Variants in ATP6V0A4 observed in about 807,000 individuals in gnomAD.
ATP6V0A4 encodes V-type proton ATPase 116 kDa subunit a 4.
ATP6V0A4 carries 86 observed loss-of-function variants against 107.3 expected under a neutral mutation model. That is an observed-to-expected ratio of 0.80 (90% confidence interval 0.67 to 0.96). The LOEUF is 0.96. Among genes scored for constraint, ATP6V0A4 ranks in the 40% least tolerant of loss-of-function variants. ATP6V0A4 has a pLI of 0.00. For missense variants in ATP6V0A4, 908 were observed against 1,045.6 expected, an observed-to-expected ratio of 0.87 and a Z score of 1.81; for synonymous variants, 353 against 381.4, an observed-to-expected ratio of 0.93 and a Z score of 0.87.
At chr7:138,766,582 C>T (rs976789519) in intron 5 of ATP6V0A4, among the ~76,000 whole-genome samples, 4 of 151,682 alleles carry the variant, frequency 2.6e-5, no homozygotes, top group Non-Finnish European at 5.9e-5. Flanking sequence ...ACGATATAGC[C>T]CAAAACAATA....
At chr7:138,715,738 G>C in intron 20 of ATP6V0A4, 26 bp downstream of exon 20, 1 of 1,607,872 alleles carries the variant, frequency 6.2e-7, no homozygotes, top group Non-Finnish European at 8.5e-7. Flanking sequence ...AGAGCTGACT[G>C]TCCCCCCGAT....
chr7:138,709,862 A>C, intron 20 of ATP6V0A4, 67 bp from the exon 21 acceptor site: 22 of 1,526,254 alleles, frequency 1.4e-5, no homozygotes, highest in East Asian at 2.5e-5. Context: ...GTATTTTCTC[A>C]TCTTTTTAAT....
chr7:138,762,691 A>T (rs748398978), intron 6 of ATP6V0A4, among the ~76,000 whole-genome samples: 8 of 152,122 alleles, frequency 5.3e-5, no homozygotes, highest in Non-Finnish European at 8.8e-5. Flanking sequence ...TTCAGCACAT[A>T]CATTTTACTG....
chr7:138,754,514 G>C (rs1445082579), intron 10 of ATP6V0A4, among the ~76,000 whole-genome samples: 4 of 151,986 alleles, frequency 2.6e-5, no homozygotes, highest in South Asian at 2.1e-4. Flanking sequence ...CTAGCCTAAG[G>C]GTTTTGAAAG....
intron 1 of ATP6V0A4, among the ~76,000 whole-genome samples, chr7:138,796,235 C>G (rs1476892123): frequency 6.6e-6 from 1 of 152,044 alleles, no homozygotes; most frequent in African/African-American, 2.4e-5. Flanking sequence ...GAGAGCCTGG[C>G]CTGGCATGCA....
chr7:138,722,971 T>A (rs1013024442), intron 18 of ATP6V0A4, among the ~76,000 whole-genome samples: 3 of 149,628 alleles, frequency 2.0e-5, no homozygotes, highest in African/African-American at 7.4e-5. Flanking sequence ...GGAAGGAGAA[T>A]TGCTTGAATC....
In ATP6V0A4 at chr7:138,749,878, G is replaced by A. The variant is rs771639424; in HGVS notation, c.1030-561C>T. ...TGTCCTTCTCTGGTTTCAGTCAGTC[G>A]ATCACCCAGCAAAGCTTGCTAGTTC... On this transcript the variant is annotated intron_variant, in intron 11 of 21. Transcript: ENST00000310018. Among the ~76,000 whole-genome samples, 4 of 152,086 alleles carry A rather than the reference G, an allele frequency of 2.6e-5. No individual in the cohort carries two copies. In the East Asian group the frequency reaches 5.8e-4, roughly 22 times the overall value.
At position 138,769,162 on chromosome 7, in the gene ATP6V0A4, AAT is replaced by A. The variant is rs1807243277; in HGVS notation, c.196+9_196+10del. The A allele has an allele frequency of 6.0e-6, 9 of 1,490,428 alleles. No individual in the cohort carries two copies. The highest frequency in any genetic ancestry group is 1.8e-4 in the Middle Eastern group (1 of 5,682). 92.3% of individuals were successfully genotyped at this position (1,490,428 alleles called of 1,614,324 possible). A position where few individuals can be genotyped will look rare whatever the true frequency, so the allele number is the denominator to read the frequency against. On this transcript the variant is annotated intron_variant, in intron 4 of 21. Coordinates refer to ENST00000310018, the MANE Select transcript of ATP6V0A4 (RefSeq NM_020632.3). ...TGAACAGTAAGAAAAAAAAAAAAAA[AAT>A]TGGCTTACGGAGGATTCTCTCCAGT...
intron 13 of ATP6V0A4, among the ~76,000 whole-genome samples, chr7:138,746,551 T>G (rs532109708): frequency 1.3e-5 from 2 of 152,070 alleles, no homozygotes; most frequent in African/African-American, 4.8e-5. Flanking sequence ...TCACCCAGGC[T>G]GGAGTAAAGT....
intron 14 of ATP6V0A4, among the ~76,000 whole-genome samples, chr7:138,743,169 C>G (rs1805720030): frequency 6.6e-6 from 1 of 151,858 alleles, no homozygotes; most frequent in Non-Finnish European, 1.5e-5. Flanking sequence ...AAAAGAAACC[C>G]AGGATTGGGC....
At chr7:138,793,085 G>A (rs762505739) in intron 1 of ATP6V0A4, among the ~76,000 whole-genome samples, 2 of 152,060 alleles carry the variant, frequency 1.3e-5, no homozygotes, top group South Asian at 2.1e-4. Context: ...CCTGAGGTCA[G>A]GATTTCAAGA....
At chr7:138,763,228 A>G (rs1284399633) in intron 5 of ATP6V0A4, 1 of 323,770 alleles carries the variant, frequency 3.1e-6, no homozygotes, top group African/African-American at 2.3e-5. Flanking sequence ...TGCTCTCTTA[A>G]GAGTTCCATC....
chr7:138,708,017 TTTTATTTATTTATTTA>T (rs377141085), intron 21 of ATP6V0A4, among the ~76,000 whole-genome samples: 192 of 140,000 alleles, frequency 1.4e-3, no homozygotes, highest in African/African-American at 4.6e-3. Flanking sequence ...TTATGTTTTA[TTTTATTTATTTATTTA>T]TTTATTTATT....
rs146369644 is a variant in ATP6V0A4 at position 138,713,790 on chromosome 7, G to C, written c.2257+1974C>G. Among the ~76,000 whole-genome samples the C allele has an allele frequency of 4.9e-4, 74 of 152,102 alleles. 1 individual carries two copies. In the East Asian group the frequency reaches 9.9e-3, roughly 20 times the overall value. On this transcript the variant is annotated intron_variant, in intron 20 of 21. Transcript: ENST00000310018. ...GCAAACACACAGAGGGGCCCAGGGA[G>C]TACTGCGTCTTCAGGAGATAGTTCT...
intron 19 of ATP6V0A4, among the ~76,000 whole-genome samples, chr7:138,717,361 C>T (rs1030818974): frequency 3.3e-5 from 5 of 151,408 alleles, no homozygotes; most frequent in African/African-American, 1.2e-4. Context: ...TCCTGGCGAA[C>T]ACGGTGAAAC....
intron 18 of ATP6V0A4, among the ~76,000 whole-genome samples, chr7:138,722,253 G>A (rs551571856): frequency 9.2e-5 from 14 of 152,194 alleles, no homozygotes; most frequent in Non-Finnish European, 1.5e-4. Flanking sequence ...AAATGTGCCC[G>A]GGAGGCACAG....
chr7:138,731,301 G>C (rs1805002820), intron 17 of ATP6V0A4, among the ~76,000 whole-genome samples: 1 of 152,062 alleles, frequency 6.6e-6, no homozygotes, highest in Non-Finnish European at 1.5e-5. Context: ...CTCATGAGAA[G>C]GGGCATGGCC....
chr7:138,715,254 T>C (rs1236708479), intron 20 of ATP6V0A4, among the ~76,000 whole-genome samples: 3 of 152,110 alleles, frequency 2.0e-5, no homozygotes, highest in Non-Finnish European at 4.4e-5. Flanking sequence ...CAGGGTGGAG[T>C]GCAGTGATGT....
chr7:138,707,185 T>C (rs1368499996), intron 21 of ATP6V0A4, among the ~76,000 whole-genome samples: 5 of 72,058 alleles, frequency 6.9e-5, no homozygotes, highest in Non-Finnish European at 1.2e-4. Flanking sequence ...TTATATAATA[T>C]ATTATATATA....
Sources: allele counts gnomAD v4.1 joint callset (sites outside exome capture counted in the v4.1 genomes callset), GRCh38; gene constraint gnomAD v4.1.1; transcripts MANE v1.5; gene names NCBI Gene and HGNC (gene_info 2026-07-23, HGNC 2026-07-21).